Variants in KLF12 observed in about 807,000 individuals in gnomAD.
KLF12 encodes the protein KLF transcription factor 12, also known as Krueppel-like factor 12.
A neutral mutation model predicts 37.8 loss-of-function variants in KLF12; 9 were observed. The observed-to-expected ratio is 0.24, with a 90% CI of 0.14 to 0.42. The LOEUF is 0.42. KLF12 is among the 10% of genes least tolerant of loss of function. The pLI, the probability that KLF12 is intolerant of heterozygous loss-of-function variation, is 1.00. For missense variants in KLF12, 411 were observed against 516.0 expected, an observed-to-expected ratio of 0.80 and a Z score of 1.97; for synonymous variants, 208 against 202.1, an observed-to-expected ratio of 1.03 and a Z score of -0.25.
At chr13:74,302,280 C>T in the KLF12 span, among the ~76,000 whole-genome samples, 1 of 152,104 alleles carries the variant, frequency 6.6e-6, no homozygotes, top group Non-Finnish European at 1.5e-5. Flanking sequence ...GCAGAAACAG[C>T]ATTTTAAAAA....
chr13:74,169,797 C>T, the KLF12 span, among the ~76,000 whole-genome samples: 1 of 152,114 alleles, frequency 6.6e-6, no homozygotes, highest in African/African-American at 2.4e-5. Flanking sequence ...GGAAGAGACA[C>T]CATGAACATG....
At chr13:73,862,007 T>G (rs1885951305) in intron 3 of KLF12, among the ~76,000 whole-genome samples, 1 of 152,108 alleles carries the variant, frequency 6.6e-6, no homozygotes, top group African/African-American at 2.4e-5. Context: ...TGAATAGTTT[T>G]CATAGATTTG....
the KLF12 span, among the ~76,000 whole-genome samples, chr13:74,223,646 A>C: frequency 3.9e-5 from 6 of 152,220 alleles, no homozygotes; most frequent in Non-Finnish European, 8.8e-5. Flanking sequence ...AGCTCAGGGC[A>C]GTCAGTTCCC....
At chr13:74,051,341 AACACACACAC>A (rs10678885) in intron 1 of KLF12, among the ~76,000 whole-genome samples, 20 of 143,774 alleles carry the variant, frequency 1.4e-4, no homozygotes, top group East Asian at 6.2e-4. Context: ...TACACACACA[AACACACACAC>A]ACACACACAC....
In KLF12 at chr13:73,849,466, T is replaced by G. The variant is rs149797317; in HGVS notation, c.124-3093A>C. On this transcript the variant is annotated intron_variant, in intron 3 of 7. Coordinates refer to ENST00000377669, the MANE Select transcript of KLF12 (RefSeq NM_007249.5). ...GCTGACAGGAAGGGAGCACTACAAA[T>G]GGCCACAAGGGGGAACGAAGGCTGA... Among the ~76,000 whole-genome samples the G allele has an allele frequency of 3.2e-3, 475 of 148,984 alleles. 1 individual carries two copies. Among genetic ancestry groups the G allele is most frequent in the Middle Eastern group, 0.015 (4 of 266 alleles).
At chr13:74,215,663 C>T in the KLF12 span, among the ~76,000 whole-genome samples, 14 of 152,114 alleles carry the variant, frequency 9.2e-5, no homozygotes, top group East Asian at 3.8e-4. Context: ...TTGCAGAACT[C>T]GTACCCTCTT....
In KLF12 at chr13:73,689,470, G is replaced by A. The variant is rs1873693196; in HGVS notation, c.*6020C>T. The A allele has an allele frequency of 6.6e-6, 1 of 152,122 alleles. No individual in the cohort carries two copies. The allele number at this position is 152,122 out of a possible 1,614,324, so 9.4% of individuals were successfully genotyped here. On this transcript the variant is annotated 3_prime_UTR_variant, in exon 8 of 8. Coordinates refer to ENST00000377669, the MANE Select transcript of KLF12 (RefSeq NM_007249.5). ...TTTGTGCTCTGAGATGGCAGGGTTGGAGAATTTCCAGGGTTCATGTCTATT... is the reference window on the plus strand; with the variant it reads ...TTTGTGCTCTGAGATGGCAGGGTTGAAGAATTTCCAGGGTTCATGTCTATT...
At chr13:74,117,571 C>T (rs990135346) in intron 1 of KLF12, among the ~76,000 whole-genome samples, 3 of 152,112 alleles carry the variant, frequency 2.0e-5, no homozygotes, top group African/African-American at 2.4e-5. Flanking sequence ...CTCACTTCCA[C>T]AGAACAGAGT....
intron 3 of KLF12, among the ~76,000 whole-genome samples, chr13:73,904,634 C>T (rs2139108595): frequency 1.3e-5 from 2 of 152,124 alleles, no homozygotes; most frequent in South Asian, 4.2e-4. Context: ...TTAAAATTAG[C>T]ATAACTATAT....
intron 5 of KLF12, among the ~76,000 whole-genome samples, chr13:73,807,560 T>C (rs1882712210): frequency 1.3e-5 from 2 of 152,168 alleles, no homozygotes; most frequent in Middle Eastern, 3.2e-3. Context: ...TTAAATGTAA[T>C]TGACAATGAA....
intron 4 of KLF12, among the ~76,000 whole-genome samples, chr13:73,836,239 A>G (rs1344543526): frequency 3.3e-5 from 5 of 152,194 alleles, no homozygotes; most frequent in African/African-American, 4.8e-5. Flanking sequence ...AATACAAAGC[A>G]GAATACCCAG....
chr13:73,947,891 C>T (rs1415717966), intron 2 of KLF12, among the ~76,000 whole-genome samples: 1 of 152,098 alleles, frequency 6.6e-6, no homozygotes, highest in Non-Finnish European at 1.5e-5. Flanking sequence ...CAGGTCATTT[C>T]CTTTCTCTCC....
chr13:73,934,184 T>C (rs1325343213), intron 3 of KLF12, among the ~76,000 whole-genome samples: 1 of 152,146 alleles, frequency 6.6e-6, no homozygotes, highest in Non-Finnish European at 1.5e-5. Flanking sequence ...ATCTCCACTA[T>C]TGGTCCTGAC....
At chr13:74,245,086 A>G in the KLF12 span, among the ~76,000 whole-genome samples, 1 of 152,246 alleles carries the variant, frequency 6.6e-6, no homozygotes, top group Non-Finnish European at 1.5e-5. Context: ...TCAGAGTACC[A>G]GTTGGATGGC....
At chr13:74,287,113 C>T in the KLF12 span, among the ~76,000 whole-genome samples, 1 of 152,156 alleles carries the variant, frequency 6.6e-6, no homozygotes, top group Non-Finnish European at 1.5e-5. Flanking sequence ...GCTGGGCAGA[C>T]CTCGGCTCAC....
intron 3 of KLF12, among the ~76,000 whole-genome samples, chr13:73,909,111 G>T (rs1465494654): frequency 1.3e-5 from 2 of 152,154 alleles, no homozygotes; most frequent in Non-Finnish European, 2.9e-5. Context: ...ACAGATGCAA[G>T]ATTTATACAT....
At chr13:74,224,174 A>C in the KLF12 span, among the ~76,000 whole-genome samples, 1 of 152,258 alleles carries the variant, frequency 6.6e-6, no homozygotes, top group African/African-American at 2.4e-5. Flanking sequence ...TATACGCACT[A>C]ATGTGTTGAT....
chr13:73,697,086 G>A, intron 7 of KLF12, among the ~76,000 whole-genome samples: 1 of 42,548 alleles, frequency 2.4e-5, no homozygotes, highest in South Asian at 1.2e-3. Context: ...TAATACAACT[G>A]CAACACACAC....
At chr13:74,175,422 C>T in the KLF12 span, among the ~76,000 whole-genome samples, 2 of 152,290 alleles carry the variant, frequency 1.3e-5, no homozygotes, top group East Asian at 1.9e-4. Context: ...GTAAAACTTA[C>T]AATCCATATC....
Sources: gnomAD v4.1 joint callset for allele counts (sites outside exome capture counted in the v4.1 genomes callset) on GRCh38, gnomAD v4.1.1 for gene constraint, MANE v1.5 for transcripts, NCBI Gene and HGNC (gene_info 2026-07-23, HGNC 2026-07-21) for gene names.